The following GOPC variants were observed in gnomAD, a reference collection of about 807,000 sequenced individuals.
GOPC encodes the protein Golgi-associated PDZ and coiled-coil motif-containing protein.
GOPC carries 32 observed loss-of-function variants against 51.2 expected under a neutral mutation model. The ratio of observed to expected loss-of-function variants is 0.63; its 90% CI spans 0.47 to 0.84. The LOEUF (loss-of-function observed/expected upper bound fraction) is 0.84, where lower values mean the gene tolerates loss of function less well. GOPC is among the 40% of genes least tolerant of loss of function. GOPC has a pLI of 0.00. For synonymous variants in GOPC, 190 were observed against 205.1 expected, an observed-to-expected ratio of 0.93 and a Z score of 0.63; for missense variants, 441 against 555.5, an observed-to-expected ratio of 0.79 and a Z score of 2.07.
intron 1 of GOPC, 100 bp downstream of exon 1, chr6:117,601,904 G>T: frequency 7.7e-7 from 1 of 1,300,330 alleles, no homozygotes; most frequent in Non-Finnish European, 1.1e-6. Context: ...AGCCCCGGTG[G>T]GCAGTTTTCT....
At chr6:117,599,138 AACT>A (rs1170908974) in intron 1 of GOPC, among the ~76,000 whole-genome samples, 1 of 152,142 alleles carries the variant, frequency 6.6e-6, no homozygotes, top group African/African-American at 2.4e-5. Context: ...GTTTAATGTT[AACT>A]ACATTATAAA....
In GOPC at chr6:117,600,061, AG is replaced by A. The variant is rs1320826788; in HGVS notation, c.285+1942del. On this transcript the variant is annotated intron_variant, in intron 1 of 8. Coordinates refer to ENST00000368498, the MANE Select transcript of GOPC (RefSeq NM_020399.4). ...TTCTTATAACAGAATACCAGAAACT[AG>A]GTAATTTATAAAGAAAAGGAATGTA... 5.3e-5 allele frequency among the ~76,000 whole-genome samples: 8 copies of A among 152,342 alleles called. No individual in the cohort carries two copies. In the East Asian group the frequency reaches 1.5e-3, roughly 29 times the overall value.
chr6:117,594,732 A>C (rs527296841), intron 1 of GOPC, among the ~76,000 whole-genome samples: 95 of 152,328 alleles, frequency 6.2e-4, no homozygotes, highest in African/African-American at 2.2e-3. Flanking sequence ...CAAAGTTAAA[A>C]GTTTCTCTAC....
intron 5 of GOPC, among the ~76,000 whole-genome samples, chr6:117,572,588 A>G (rs1267412916): frequency 6.6e-6 from 1 of 151,104 alleles, no homozygotes. Context: ...TAAAACCCCA[A>G]CCTCATATTT....
chr6:117,570,964 G>A lies in GOPC; in HGVS notation c.817-9C>T. On this transcript the variant is annotated splice_polypyrimidine_tract_variant and intron_variant, in intron 5 of 8. Coordinates refer to ENST00000368498, the MANE Select transcript of GOPC (RefSeq NM_020399.4). The stretch of plus-strand genomic sequence containing the variant: ...TTTAGGGAATCTTGATCCTTATTGG[G>A]AGGAAAAAAGAAGAAAAAGTAGTAT... 7.0e-7 allele frequency: 1 copy of A among 1,433,410 alleles called. No homozygotes were observed. Among genetic ancestry groups the A allele is most frequent in the Non-Finnish European group, 9.7e-7 (1 of 1,029,718 alleles). 88.8% of individuals were successfully genotyped at this position (1,433,410 alleles called of 1,614,324 possible). A position where few individuals can be genotyped will look rare whatever the true frequency, so the allele number is the denominator to read the frequency against.
In GOPC at chr6:117,567,048, T is replaced by A. The variant is rs1430856923; in HGVS notation, c.1078-14A>T. The A allele has an allele frequency of 1.9e-6, 3 of 1,542,982 alleles. No individual in the cohort carries two copies. The highest frequency in any genetic ancestry group is 1.2e-5 in the South Asian group (1 of 80,344). On this transcript the variant is annotated splice_polypyrimidine_tract_variant and intron_variant, in intron 7 of 8. Coordinates refer to ENST00000368498, the MANE Select transcript of GOPC (RefSeq NM_020399.4). ...AATCTCTCCTCTCTAAAACAGGAAATGAAAATGAGAAAGTCAAGTTATTGT... is the reference window on the plus strand; with the variant it reads ...AATCTCTCCTCTCTAAAACAGGAAAAGAAAATGAGAAAGTCAAGTTATTGT...
chr6:117,576,707 T>A (rs796904247), intron 3 of GOPC, among the ~76,000 whole-genome samples: 10 of 152,132 alleles, frequency 6.6e-5, no homozygotes, highest in African/African-American at 2.4e-4. Flanking sequence ...GGGCCCGAAA[T>A]TAACAGAGGT....
At position 117,587,519 on chromosome 6, in the gene GOPC, T is replaced by TTA. The variant is rs932667977; in HGVS notation, c.286-8457_286-8456dup. 2.7e-4 allele frequency among the ~76,000 whole-genome samples: 41 copies of TTA among 150,252 alleles called. 1 individual carries two copies. The highest frequency in any genetic ancestry group is 6.3e-4 in the South Asian group (3 of 4,768). The stretch of plus-strand genomic sequence containing the variant: ...AACAGTAATAAATAAATAAATAAAT[T>TTA]TATATATATATATAAAACTACAAAT... On this transcript the variant is annotated intron_variant, in intron 1 of 8. Transcript: ENST00000368498.
chr6:117,576,165 A>G (rs1386359502), intron 3 of GOPC, among the ~76,000 whole-genome samples: 1 of 152,094 alleles, frequency 6.6e-6, no homozygotes, highest in Non-Finnish European at 1.5e-5. Flanking sequence ...ATATATTTAC[A>G]TATACACACA....
intron 6 of GOPC, among the ~76,000 whole-genome samples, 187 bp downstream of exon 6, chr6:117,570,673 T>C (rs1388129225): frequency 6.6e-6 from 1 of 152,070 alleles, no homozygotes; most frequent in Non-Finnish European, 1.5e-5. Context: ...GTACACTTAA[T>C]AGTTGCTAGG....
Position 117,563,106 on chromosome 6 carries a change from G to T in GOPC, c.*148C>A, listed in dbSNP as rs933940019. The T allele has an allele frequency of 2.5e-5, 17 of 671,696 alleles. No homozygotes were observed. In the African/African-American group the frequency reaches 2.7e-4, roughly 11 times the overall value. The allele number at this position is 671,696 out of a possible 1,614,324, so 41.6% of individuals were successfully genotyped here. On this transcript the variant is annotated 3_prime_UTR_variant, in exon 9 of 9. Coordinates refer to ENST00000368498, the MANE Select transcript of GOPC (RefSeq NM_020399.4). The stretch of plus-strand genomic sequence containing the variant: ...GAAAACAGGGTGTTTTATGCATTGA[G>T]AATTGTTCACATGAAGCCCTGAGGT...
At chr6:117,582,273 T>TACACACACACACACACACACACACACAC (rs71012364) in intron 1 of GOPC, among the ~76,000 whole-genome samples, 1 of 119,126 alleles carries the variant, frequency 8.4e-6, no homozygotes, top group African/African-American at 3.4e-5. Flanking sequence ...CCTCCCCCCC[T>TACACACACACACACACACACACACACAC]ACACACACAC....
At chr6:117,565,305 C>G (rs1779673822) in intron 8 of GOPC, among the ~76,000 whole-genome samples, 1 of 152,242 alleles carries the variant, frequency 6.6e-6, no homozygotes, top group East Asian at 1.9e-4. Context: ...AAAGTTCAGC[C>G]TCACACAGAT....
chr6:117,563,473 G>C, intron 8 of GOPC, 89 bp from the exon 9 acceptor site: 3 of 1,321,340 alleles, frequency 2.3e-6, no homozygotes, highest in Non-Finnish European at 2.1e-6. Context: ...TGTAATCCCA[G>C]CACTTTGAGA....
intron 1 of GOPC, among the ~76,000 whole-genome samples, chr6:117,592,104 C>T (rs918012723): frequency 1.1e-4 from 16 of 152,226 alleles, no homozygotes; most frequent in Non-Finnish European, 1.9e-4. Flanking sequence ...CGGTGGCTCA[C>T]GCCTGTAATC....
chr6:117,584,135 A>G (rs1302828173), intron 1 of GOPC, among the ~76,000 whole-genome samples: 11 of 152,206 alleles, frequency 7.2e-5, no homozygotes, highest in Non-Finnish European at 1.6e-4. Context: ...AACAACCACA[A>G]CCTCAAAGTG....
chr6:117,563,492 T>C, intron 8 of GOPC, 108 bp from the exon 9 acceptor site: 5 of 1,010,678 alleles, frequency 4.9e-6, no homozygotes, highest in Non-Finnish European at 7.5e-6. Context: ...GAGGCCAAGG[T>C]GGGTGGATAA....
At chr6:117,572,622 T>C (rs1230271454) in intron 5 of GOPC, among the ~76,000 whole-genome samples, 1 of 152,180 alleles carries the variant, frequency 6.6e-6, no homozygotes, top group Non-Finnish European at 1.5e-5. Context: ...AGCATGCTTT[T>C]ATCACTCAGA....
chr6:117,564,361 T>G (rs1779650900), intron 8 of GOPC, among the ~76,000 whole-genome samples: 1 of 152,244 alleles, frequency 6.6e-6, no homozygotes, highest in South Asian at 2.1e-4. Context: ...GAATTATATT[T>G]TTATTTTTCA....
Sources: gnomAD v4.1 joint callset for allele counts (sites outside exome capture counted in the v4.1 genomes callset) on GRCh38, gnomAD v4.1.1 for gene constraint, MANE v1.5 for transcripts, NCBI Gene and HGNC (gene_info 2026-07-23, HGNC 2026-07-21) for gene names.